The following GATA4 variants were observed in gnomAD, a reference collection of about 807,000 sequenced individuals.
GATA4 encodes the protein transcription factor GATA-4.
In GATA4, 7 loss-of-function variants were observed where a neutral mutation model predicts 37.9. The ratio of observed to expected loss-of-function variants is 0.18; its 90% confidence interval spans 0.11 to 0.35. The LOEUF is 0.35. Among genes scored for constraint, GATA4 ranks in the 10% least tolerant of loss-of-function variants. The pLI is 1.00. For missense variants in GATA4, 647 were observed against 653.0 expected (o/e 0.99, Z 0.10); for synonymous variants, 372 against 292.6 (o/e 1.27, Z -2.77).
At chr8:11,710,201 C>T (rs952327843) in intron 2 of GATA4, among the ~76,000 whole-genome samples, 2 of 152,128 alleles carry the variant, frequency 1.3e-5, no homozygotes, top group Admixed American at 1.3e-4. Context: ...ACTGATTAAC[C>T]CTGAAAGTGG....
intron 2 of GATA4, among the ~76,000 whole-genome samples, chr8:11,721,106 G>A (rs929650954): frequency 1.7e-4 from 26 of 151,796 alleles, no homozygotes; most frequent in Non-Finnish European, 3.7e-4. Flanking sequence ...GGAACACGTG[G>A]ATGTGCACTC....
chr8:11,679,015 A>G (rs989027857), intron 1 of GATA4, among the ~76,000 whole-genome samples: 1 of 152,168 alleles, frequency 6.6e-6, no homozygotes, highest in East Asian at 1.9e-4. Flanking sequence ...TTGCCAAGTG[A>G]TTTATAGGAC....
chr8:11,711,302 T>C (rs1167072327), intron 2 of GATA4, among the ~76,000 whole-genome samples: 1 of 152,220 alleles, frequency 6.6e-6, no homozygotes, highest in East Asian at 1.9e-4. Flanking sequence ...CCCGGATAGC[T>C]TATGAAGTCC....
At chr8:11,720,309 C>A (rs1186536720) in intron 2 of GATA4, among the ~76,000 whole-genome samples, 2 of 152,036 alleles carry the variant, frequency 1.3e-5, no homozygotes, top group Non-Finnish European at 2.9e-5. Flanking sequence ...ACAGAGGCCA[C>A]ATTAACATTA....
intron 1 of GATA4, among the ~76,000 whole-genome samples, chr8:11,680,040 C>T (rs1254807451): frequency 6.6e-6 from 1 of 152,236 alleles, no homozygotes; most frequent in Non-Finnish European, 1.5e-5. Context: ...GCCGGGGTCT[C>T]CTGCCAGGGG....
rs747374205 is a variant in GATA4, at chr8:11,748,867, C to G, written c.617-49C>G. The stretch of plus-strand genomic sequence containing the variant: ...CTCAGATGTGAGAGCTGGGCATAAA[C>G]AAAGAATTAATCCTCTGTGTCTTTT... On this transcript the variant is annotated intron_variant, in intron 2 of 6. Transcript: ENST00000532059. 5.6e-6 allele frequency: 9 copies of G among 1,605,424 alleles called. No homozygotes were observed. In the South Asian group the frequency reaches 9.9e-5, roughly 18 times the overall value.
chr8:11,716,650 G>A (rs1309460535), intron 2 of GATA4, among the ~76,000 whole-genome samples: 1 of 152,180 alleles, frequency 6.6e-6, no homozygotes, highest in Non-Finnish European at 1.5e-5. Context: ...CCCACTTGTG[G>A]GCACAAACAG....
chr8:11,754,737 C>T (rs1308591679), intron 4 of GATA4, among the ~76,000 whole-genome samples: 1 of 152,194 alleles, frequency 6.6e-6, no homozygotes, highest in Non-Finnish European at 1.5e-5. Context: ...TTTTACATCA[C>T]CGACCAGAGT....
chr8:11,717,998 A>C (rs1228011212), intron 2 of GATA4, among the ~76,000 whole-genome samples: 4 of 152,212 alleles, frequency 2.6e-5, no homozygotes, highest in African/African-American at 9.6e-5. Context: ...TCACTCAAAA[A>C]TCCCTTTCCT....
At chr8:11,732,643 C>G (rs1222406500) in intron 2 of GATA4, among the ~76,000 whole-genome samples, 2 of 152,112 alleles carry the variant, frequency 1.3e-5, no homozygotes, top group African/African-American at 4.8e-5. Flanking sequence ...AGTCTGGAGG[C>G]TAGAGGAAGA....
At position 11,750,104 on chromosome 8, in the gene GATA4, C is replaced by T; in HGVS notation, c.787-7C>T. The T allele has an allele frequency of 6.2e-7, 1 of 1,614,122 alleles. No individual in the cohort carries two copies. The highest frequency in any genetic ancestry group is 8.5e-7 in the Non-Finnish European group (1 of 1,180,042). On this transcript the variant is annotated splice_region_variant and splice_polypyrimidine_tract_variant and intron_variant, in intron 3 of 6. Transcript: ENST00000532059. ...TGGACATGAAGCATTTGTTTCCTGT[C>T]TTGCAGTCCGCCTCCCGCCGAGTGG... is the stretch of plus-strand genomic sequence containing the variant.
rs753457161 is a variant in GATA4 at position 11,749,072 on chromosome 8, C to T, written c.773C>T (p.Pro258Leu). The T allele has an allele frequency of 6.2e-7, 1 of 1,614,118 alleles. No homozygotes were observed. Among genetic ancestry groups the T allele is most frequent in the African/African-American group, 1.3e-5 (1 of 74,942 alleles). The change falls in exon 3 of 7, where the codon CCT (proline) becomes CTT (leucine). Residue 258 changes from proline (P) to leucine (L), a missense_variant. By Grantham distance (98) the Pro-to-Leu change is moderately conservative. This residue lies in a region of GATA4 where 56 missense variants were observed against 64.5 expected (regional missense o/e 0.87). Coordinates refer to ENST00000532059, the MANE Select transcript of GATA4 (RefSeq NM_001308093.3). The surrounding 1 kb of genome is among the most constrained non-coding windows in gnomAD (Gnocchi z 4.6). Reference sequence around the variant, plus strand: ...GGCATCAACCGGCCGCTCATCAAGCCTCAGCGCCGGCTGGTAAGCACGTGC... The same window carrying T: ...GGCATCAACCGGCCGCTCATCAAGCTTCAGCGCCGGCTGGTAAGCACGTGC... ...MNGINRPLIK[P>L]QRRLSASRRV...
intron 2 of GATA4, among the ~76,000 whole-genome samples, chr8:11,715,293 A>T (rs1344123637): frequency 2.6e-5 from 4 of 152,246 alleles, no homozygotes; most frequent in Non-Finnish European, 5.9e-5. Flanking sequence ...GGTGAGGGAT[A>T]ATGGTAGAAA....
intron 2 of GATA4, among the ~76,000 whole-genome samples, chr8:11,730,272 C>G (rs899346108): frequency 6.6e-6 from 1 of 152,142 alleles, no homozygotes; most frequent in Non-Finnish European, 1.5e-5. Flanking sequence ...GCAGGAGTGA[C>G]AGGGACGTGG....
At position 11,708,462 on chromosome 8, in the gene GATA4, C is replaced by A. The variant is rs1339102502; in HGVS notation, c.150C>A (p.Gly50=). The A allele has an allele frequency of 6.5e-7, 1 of 1,528,912 alleles. No individual in the cohort carries two copies. Among genetic ancestry groups the A allele is most frequent in the Non-Finnish European group, 8.7e-7 (1 of 1,143,882 alleles). 94.7% of individuals were successfully genotyped at this position (1,528,912 alleles called of 1,614,324 possible). A position where few individuals can be genotyped will look rare whatever the true frequency, so the allele number is the denominator to read the frequency against. ...CGCGGGTGCCCTCCTCCGTGCTGGG[C>A]CTGTCCTACCTCCAGGGCGGAGGCG... ...PTPRVPSSVL[G]LSYLQGGGAG... Residue 50 remains glycine (G), a synonymous_variant, in exon 2 of 7, where the codon GGC becomes GGA. Coordinates refer to ENST00000532059, the MANE Select transcript of GATA4 (RefSeq NM_001308093.3). The surrounding 1 kb of genome is among the most constrained non-coding windows in gnomAD (Gnocchi z 6.7).
At chr8:11,702,421 G>A (rs767262159), upstream of GATA4, among the ~76,000 whole-genome samples, 10 of 151,994 alleles carry the variant, frequency 6.6e-5, no homozygotes, top group Non-Finnish European at 1.3e-4. The surrounding 1 kb of genome is among the most constrained non-coding windows in gnomAD (Gnocchi z 4.4). Context: ...TCTCCAGGAA[G>A]GCCTTGCAGG....
intron 5 of GATA4, 41 bp from the exon 6 acceptor site, chr8:11,756,894 C>T (rs542939702): frequency 1.2e-6 from 2 of 1,614,084 alleles, no homozygotes; most frequent in East Asian, 2.2e-5. Context: ...TTCGTTTGTC[C>T]CTGCCGCTGA....
At chr8:11,692,101 G>C, upstream of GATA4, 1 of 965,166 alleles carries the variant, frequency 1.0e-6, no homozygotes, top group East Asian at 1.1e-4. Flanking sequence ...TGACAGGTGA[G>C]GCAGGCAGGA....
At chr8:11,722,040 C>G (rs956846231) in intron 2 of GATA4, among the ~76,000 whole-genome samples, 2 of 152,116 alleles carry the variant, frequency 1.3e-5, no homozygotes, top group African/African-American at 4.8e-5. Context: ...TTGAGACAGA[C>G]TCTCACTTTG....
Sources: gnomAD v4.1 joint callset for allele counts (sites outside exome capture counted in the v4.1 genomes callset) on GRCh38, gnomAD v4.1.1 for gene constraint, gnomAD v4.1.1 regional missense constraint, Gnocchi (gnomAD v3.1) non-coding constraint, MANE v1.5 for transcripts, NCBI Gene and HGNC (gene_info 2026-07-23, HGNC 2026-07-21) for gene names.